EHMT1: variants seen among roughly 807,000 people sequenced by gnomAD.
The protein encoded by EHMT1 is histone-lysine N-methyltransferase EHMT1.
In EHMT1, 15 loss-of-function variants were observed where a neutral mutation model predicts 147.2. That is an observed-to-expected ratio of 0.10 (90% CI 0.07 to 0.16). The LOEUF (loss-of-function observed/expected upper bound fraction) is 0.16, where lower values mean the gene tolerates loss of function less well. Among genes scored for constraint, EHMT1 ranks in the 10% least tolerant of loss-of-function variants. The pLI, the probability that EHMT1 is intolerant of heterozygous loss-of-function variation, is 1.00. For synonymous variants in EHMT1, 795 were observed against 709.6 expected, an observed-to-expected ratio of 1.12 and a Z score of -1.91; for missense variants, 1,587 against 1,772.4, an observed-to-expected ratio of 0.90 and a Z score of 1.88.
intron 2 of EHMT1, among the ~76,000 whole-genome samples, chr9:137,712,557 G>A (rs947052929): frequency 2.6e-5 from 4 of 152,176 alleles, no homozygotes; most frequent in Admixed American, 6.5e-5. Context: ...GCATCATTTC[G>A]TGTGCTTACT....
intron 9 of EHMT1, 75 bp from the exon 10 acceptor site, chr9:137,762,600 C>G (rs1410972681): frequency 1.9e-6 from 3 of 1,608,324 alleles, no homozygotes; most frequent in East Asian, 4.5e-5. Flanking sequence ...ACTGTTGAGA[C>G]TATAATCGAT....
intron 1 of EHMT1, among the ~76,000 whole-genome samples, chr9:137,631,150 C>G (rs753535904): frequency 1.3e-5 from 2 of 151,920 alleles, no homozygotes; most frequent in African/African-American, 2.4e-5. Flanking sequence ...TTTGGGAGGC[C>G]GAGGCGGGTG....
intron 25 of EHMT1, among the ~76,000 whole-genome samples, chr9:137,821,398 G>A (rs901617732): frequency 5.1e-5 from 7 of 136,636 alleles, no homozygotes; most frequent in African/African-American, 2.0e-4. Flanking sequence ...CATAATCATA[G>A]CTCACTGCAG....
Position 137,828,278 on chromosome 9 carries a change from G to A in EHMT1, c.3541-6071G>A, listed in dbSNP as rs1955954463. Among the ~76,000 whole-genome samples, 1 of 151,734 alleles carries A rather than the reference G, an allele frequency of 6.6e-6. No individual in the cohort carries two copies. The highest frequency in any genetic ancestry group is 6.6e-5 in the Admixed American group (1 of 15,246). The stretch of plus-strand genomic sequence containing the variant: ...GAGGAGCCCCTCTGCATTCTTCAGG[G>A]TGCATGGAACCCACACCCTGTCCCC... On this transcript the variant is annotated intron_variant, in intron 25 of 26. Transcript: ENST00000460843. This position sits in a 1 kb window ranked among gnomAD's most constrained non-coding sequence, Gnocchi z 5.3.
intron 3 of EHMT1, among the ~76,000 whole-genome samples, chr9:137,717,751 C>A (rs1400231175): frequency 6.6e-6 from 1 of 152,186 alleles, no homozygotes; most frequent in African/African-American, 2.4e-5. Context: ...GTGTCAGATC[C>A]TTTCAAGGAG....
chr9:137,788,146 T>G, intron 15 of EHMT1: 1 of 994,254 alleles, frequency 1.0e-6, no homozygotes, highest in Non-Finnish European at 1.4e-6. Flanking sequence ...GGTGGGGTGG[T>G]CACTGCCTTC....
chr9:137,642,896 C>G (rs1308730390), intron 1 of EHMT1, among the ~76,000 whole-genome samples: 1 of 152,110 alleles, frequency 6.6e-6, no homozygotes, highest in African/African-American at 2.4e-5. Flanking sequence ...CCTCCCCTCC[C>G]CTCTTGACAG....
chr9:137,720,974 G>T (rs1322769441), intron 3 of EHMT1, among the ~76,000 whole-genome samples: 1 of 152,042 alleles, frequency 6.6e-6, no homozygotes, highest in Non-Finnish European at 1.5e-5. Context: ...CACGCCCACC[G>T]GCGATGTTGC....
intron 1 of EHMT1, among the ~76,000 whole-genome samples, chr9:137,691,358 TG>T (rs935554938): frequency 7.3e-5 from 11 of 151,154 alleles, no homozygotes; most frequent in African/African-American, 2.4e-4. Flanking sequence ...ATTTTTTTTT[TG>T]TAGAGACAGA....
intron 1 of EHMT1, among the ~76,000 whole-genome samples, chr9:137,635,612 A>G (rs1259823445): frequency 6.6e-6 from 1 of 151,464 alleles, no homozygotes; most frequent in African/African-American, 2.4e-5. Flanking sequence ...CGAGGTCAGG[A>G]GATCGAGACC....
At chr9:137,725,705 G>C (rs565224397) in intron 3 of EHMT1, among the ~76,000 whole-genome samples, 56 of 152,262 alleles carry the variant, frequency 3.7e-4, no homozygotes, top group African/African-American at 1.1e-3. Flanking sequence ...AGATGCGCTC[G>C]AGAGACAGAG....
At chr9:137,701,040 AAG>A in intron 1 of EHMT1, among the ~76,000 whole-genome samples, 1 of 152,280 alleles carries the variant, frequency 6.6e-6, no homozygotes, top group South Asian at 2.1e-4. Flanking sequence ...AGGAGAGAGA[AAG>A]CATGAAGGGG....
chr9:137,669,970 C>T (rs1940364026), intron 1 of EHMT1, among the ~76,000 whole-genome samples: 1 of 152,106 alleles, frequency 6.6e-6, no homozygotes, highest in Non-Finnish European at 1.5e-5. Flanking sequence ...TCTGCCTCAG[C>T]CTCCCCACAC....
intron 4 of EHMT1, among the ~76,000 whole-genome samples, chr9:137,733,009 G>T (rs1412470237): frequency 6.6e-6 from 1 of 152,192 alleles, no homozygotes; most frequent in Non-Finnish European, 1.5e-5. Flanking sequence ...AACGTGCATT[G>T]TACTCCTGAA....
intron 1 of EHMT1, among the ~76,000 whole-genome samples, chr9:137,669,725 C>T (rs78791511): frequency 4.0e-5 from 6 of 151,628 alleles, no homozygotes; most frequent in Non-Finnish European, 8.8e-5. Flanking sequence ...TGTTTTTTCT[C>T]TTTTTTTAAA....
At chr9:137,830,868 TTC>T (rs1251760246) in intron 25 of EHMT1, among the ~76,000 whole-genome samples, 7 of 152,238 alleles carry the variant, frequency 4.6e-5, no homozygotes, top group Non-Finnish European at 8.8e-5. Context: ...GTTCTCTGTA[TTC>T]TGTTTCCTGC....
intron 16 of EHMT1, among the ~76,000 whole-genome samples, chr9:137,795,582 G>A (rs12684765): frequency 0.45 from 68,223 of 152,048 alleles, 18,213 homozygotes; most frequent in East Asian, 0.86. Flanking sequence ...ACGGGAGGAC[G>A]TGCAGACTCC....
chr9:137,643,770 T>C (rs1329134909), intron 1 of EHMT1, among the ~76,000 whole-genome samples: 1 of 152,178 alleles, frequency 6.6e-6, no homozygotes, highest in East Asian at 1.9e-4. Flanking sequence ...GTCGCTGCTT[T>C]TGAGAGTCTC....
intron 25 of EHMT1, among the ~76,000 whole-genome samples, chr9:137,829,934 C>A (rs932270883): frequency 1.3e-5 from 2 of 152,196 alleles, no homozygotes; most frequent in Non-Finnish European, 1.5e-5. Flanking sequence ...AATAAATAAA[C>A]CTTAAACCTG....
Sources: allele counts gnomAD v4.1 joint callset (sites outside exome capture counted in the v4.1 genomes callset), GRCh38; gene constraint gnomAD v4.1.1; non-coding constraint Gnocchi (gnomAD v3.1); transcripts MANE v1.5; gene names NCBI Gene and HGNC (gene_info 2026-07-23, HGNC 2026-07-21).